Variants in TRHDE observed in about 807,000 individuals in gnomAD.
TRHDE encodes thyrotropin releasing hormone degrading enzyme, also known as thyrotropin-releasing hormone-degrading ectoenzyme.
A neutral mutation model predicts 125.7 loss-of-function variants in TRHDE; 72 were observed. The ratio of observed to expected loss-of-function variants is 0.57; its 90% CI spans 0.47 to 0.70. TRHDE has a LOEUF of 0.70. Ranked by LOEUF, TRHDE falls within the 30% of genes least tolerant of loss-of-function variation. TRHDE has a pLI of 0.00. For synonymous variants in TRHDE, 509 were observed against 509.1 expected, an observed-to-expected ratio of 1.00 and a Z score of 0.00; for missense variants, 1,110 against 1,327.1, an observed-to-expected ratio of 0.84 and a Z score of 2.54.
At chr12:72,433,935 C>T (rs768713298) in intron 3 of TRHDE, among the ~76,000 whole-genome samples, 23 of 151,962 alleles carry the variant, frequency 1.5e-4, no homozygotes, top group Non-Finnish European at 3.1e-4. Flanking sequence ...ATACTGTAGC[C>T]GTTGACTGAG....
chr12:72,657,128 CCACACA>C, intron 18 of TRHDE, 120 bp downstream of exon 18: 2 of 620,556 alleles, frequency 3.2e-6, no homozygotes, highest in Non-Finnish European at 5.7e-6. Flanking sequence ...CACACGCACA[CCACACA>C]CACACACACA....
intron 3 of TRHDE, among the ~76,000 whole-genome samples, chr12:72,416,967 T>A (rs1873756897): frequency 6.6e-6 from 1 of 152,094 alleles, no homozygotes; most frequent in South Asian, 2.1e-4. Flanking sequence ...ATATGGACAT[T>A]TTAACAGTTT....
chr12:72,374,608 G>A (rs931285379), intron 2 of TRHDE, among the ~76,000 whole-genome samples: 1 of 152,120 alleles, frequency 6.6e-6, no homozygotes, highest in African/African-American at 2.4e-5. Context: ...TCGGGCAGGA[G>A]ACTGAGGAGT....
At chr12:72,374,222 T>A (rs1435108334) in intron 2 of TRHDE, among the ~76,000 whole-genome samples, 1 of 150,654 alleles carries the variant, frequency 6.6e-6, no homozygotes, top group Admixed American at 6.6e-5. Flanking sequence ...CATACAGGGG[T>A]TGGGTATGGA....
chr12:72,610,792 C>T (rs1174322022), intron 12 of TRHDE: 1 of 152,208 alleles, frequency 6.6e-6, no homozygotes, highest in African/African-American at 2.4e-5. Flanking sequence ...TTTAATGTCA[C>T]AGCAGTATTC....
At chr12:72,385,028 C>T (rs759092177) in intron 3 of TRHDE, among the ~76,000 whole-genome samples, 1 of 151,974 alleles carries the variant, frequency 6.6e-6, no homozygotes, top group Non-Finnish European at 1.5e-5. Flanking sequence ...ATAGTTTGAA[C>T]CTTTTCTTAT....
At chr12:72,319,498 A>G (rs1868974226) in intron 2 of TRHDE, among the ~76,000 whole-genome samples, 1 of 152,288 alleles carries the variant, frequency 6.6e-6, no homozygotes, top group Admixed American at 6.5e-5. Context: ...ACTTGGATGG[A>G]AAAAATGGTA....
chr12:72,170,573 G>A (rs1876850353), intron 2 of TRHDE, among the ~76,000 whole-genome samples: 1 of 151,968 alleles, frequency 6.6e-6, no homozygotes, highest in South Asian at 2.1e-4. Context: ...CACCTGGAGT[G>A]GTTGTTCAAG....
intron 2 of TRHDE, among the ~76,000 whole-genome samples, chr12:72,306,355 G>C (rs1868341072): frequency 6.6e-6 from 1 of 152,198 alleles, no homozygotes; most frequent in African/African-American, 2.4e-5. Flanking sequence ...TCACAGGCTA[G>C]TCAATGCTTT....
chr12:72,453,824 C>A (rs1168295465), intron 3 of TRHDE, among the ~76,000 whole-genome samples: 2 of 152,160 alleles, frequency 1.3e-5, no homozygotes, highest in African/African-American at 2.4e-5. Flanking sequence ...ACAGCTCAGA[C>A]CACTGATTCA....
chr12:72,346,681 C>T (rs1293408261), intron 2 of TRHDE, among the ~76,000 whole-genome samples: 5 of 152,022 alleles, frequency 3.3e-5, no homozygotes, highest in African/African-American at 9.7e-5. Flanking sequence ...AAGAGGCTCT[C>T]GTTTGCTGAA....
At chr12:72,600,798 T>G (rs1311953320) in intron 12 of TRHDE, among the ~76,000 whole-genome samples, 1 of 152,056 alleles carries the variant, frequency 6.6e-6, no homozygotes, top group Non-Finnish European at 1.5e-5. Context: ...TTGCTGAATA[T>G]TTTAAGCCTA....
At chr12:72,263,612 T>C (rs1592505014) in intron 2 of TRHDE, 1 of 152,056 alleles carries the variant, frequency 6.6e-6, no homozygotes, top group African/African-American at 2.4e-5. Context: ...AGTATAGCAA[T>C]TAAAATGCAT....
At chr12:72,557,033 A>G (rs1276479819) in intron 7 of TRHDE, among the ~76,000 whole-genome samples, 2 of 151,876 alleles carry the variant, frequency 1.3e-5, no homozygotes, top group African/African-American at 2.4e-5. Context: ...TTAAGTTCTC[A>G]CCCTGTTATA....
At chr12:72,403,629 G>A (rs562694017) in intron 3 of TRHDE, among the ~76,000 whole-genome samples, 32 of 152,250 alleles carry the variant, frequency 2.1e-4, no homozygotes, top group African/African-American at 7.5e-4. Flanking sequence ...ATTCCAAAAC[G>A]AGAGCCAGGA....
chr12:72,241,899 A>G (rs1460657590), intron 2 of TRHDE, among the ~76,000 whole-genome samples: 1 of 152,002 alleles, frequency 6.6e-6, no homozygotes, highest in Non-Finnish European at 1.5e-5. Flanking sequence ...AATTTGCATT[A>G]CCCCAGTGGC....
intron 15 of TRHDE, among the ~76,000 whole-genome samples, chr12:72,625,929 A>G (rs1457093846): frequency 7.9e-5 from 12 of 152,008 alleles, no homozygotes; most frequent in Non-Finnish European, 1.8e-4. Context: ...TGAGTAAGCA[A>G]CAGCTTTATG....
At chr12:72,371,787 A>G (rs974710785) in intron 2 of TRHDE, among the ~76,000 whole-genome samples, 6 of 152,114 alleles carry the variant, frequency 3.9e-5, no homozygotes, top group Non-Finnish European at 5.9e-5. Context: ...AATCCAATCT[A>G]TCATTGTTGG....
At chr12:72,298,175 A>G (rs1321240189) in intron 2 of TRHDE, among the ~76,000 whole-genome samples, 1 of 152,232 alleles carries the variant, frequency 6.6e-6, no homozygotes, top group African/African-American at 2.4e-5. Flanking sequence ...AAACAAATCT[A>G]AAAAACAGAA....
Sources: allele counts gnomAD v4.1 joint callset (sites outside exome capture counted in the v4.1 genomes callset), GRCh38; gene constraint gnomAD v4.1.1; transcripts MANE v1.5; gene names NCBI Gene and HGNC (gene_info 2026-07-23, HGNC 2026-07-21).